Variants in SYT10 observed in about 807,000 individuals in gnomAD.
The protein encoded by SYT10 is synaptotagmin-10.
In SYT10, 31 loss-of-function variants were observed where a neutral mutation model predicts 51.1. That is an observed-to-expected ratio of 0.61 (90% CI 0.46 to 0.82). The LOEUF is 0.82. SYT10 is among the 40% of genes least tolerant of loss of function. The pLI is 0.00. For missense variants in SYT10, 603 were observed against 634.0 expected (o/e 0.95, Z 0.53); for synonymous variants, 233 against 225.9 (o/e 1.03, Z -0.28).
At chr12:33,405,891 T>C (rs1866348847) in intron 3 of SYT10, 1 of 149,770 alleles carries the variant, frequency 6.7e-6, no homozygotes, top group African/African-American at 2.5e-5. Flanking sequence ...AAAAAGAACA[T>C]AATTTTTCAT....
intron 2 of SYT10, among the ~76,000 whole-genome samples, chr12:33,424,347 G>A (rs957701185): frequency 1.4e-4 from 22 of 152,196 alleles, no homozygotes; most frequent in African/African-American, 5.3e-4. Flanking sequence ...TTGATTACCT[G>A]AATTTGTCTT....
chr12:33,410,390 T>C (rs917486755), intron 2 of SYT10, among the ~76,000 whole-genome samples: 4 of 152,232 alleles, frequency 2.6e-5, no homozygotes, highest in East Asian at 1.9e-4. Flanking sequence ...TAGGGCTGTA[T>C]TGAAACTAAT....
chr12:33,377,578 C>G (rs145254857), intron 6 of SYT10, among the ~76,000 whole-genome samples: 1,827 of 151,486 alleles, frequency 0.012, 20 homozygotes, highest in Non-Finnish European at 0.019. Flanking sequence ...TTAATTACAA[C>G]AAAACAAATG....
At chr12:33,430,213 T>C (rs10844604) in intron 1 of SYT10, among the ~76,000 whole-genome samples, 18,176 of 152,230 alleles carry the variant, frequency 0.12, 1,194 homozygotes, top group Admixed American at 0.17. Context: ...TCTGACTATA[T>C]ATCTCTAACT....
intron 3 of SYT10, 133 bp from the exon 4 acceptor site, chr12:33,385,424 A>G: frequency 1.5e-6 from 2 of 1,303,114 alleles, no homozygotes; most frequent in Non-Finnish European, 2.0e-6. Flanking sequence ...ATTGCAAGAA[A>G]GCTATTCTGA....
At chr12:33,391,659 C>T (rs1401711871) in intron 3 of SYT10, among the ~76,000 whole-genome samples, 1 of 152,080 alleles carries the variant, frequency 6.6e-6, no homozygotes, top group East Asian at 1.9e-4. Flanking sequence ...GGAGGGGTTG[C>T]AGTTATATTT....
intron 1 of SYT10, among the ~76,000 whole-genome samples, chr12:33,434,084 C>T (rs1383701631): frequency 6.6e-6 from 1 of 152,204 alleles, no homozygotes; most frequent in Non-Finnish European, 1.5e-5. Context: ...CTACTTAGCA[C>T]ACTAACATGC....
At chr12:33,379,767 A>T in intron 6 of SYT10, 65 bp downstream of exon 6, 1 of 1,584,542 alleles carries the variant, frequency 6.3e-7, no homozygotes, top group Non-Finnish European at 8.6e-7. Flanking sequence ...AAAGGTTAGC[A>T]AATAAATAAT....
At chr12:33,398,773 A>G (rs185661521) in intron 3 of SYT10, among the ~76,000 whole-genome samples, 1 of 152,344 alleles carries the variant, frequency 6.6e-6, no homozygotes, top group African/African-American at 2.4e-5. Flanking sequence ...AACATTTACA[A>G]ATATCTGACT....
At chr12:33,385,922 C>T (rs1412402957) in intron 3 of SYT10, among the ~76,000 whole-genome samples, 2 of 152,212 alleles carry the variant, frequency 1.3e-5, no homozygotes, top group Non-Finnish European at 2.9e-5. Flanking sequence ...AAAATCCAAA[C>T]TCCTTACCCT....
intron 2 of SYT10, among the ~76,000 whole-genome samples, chr12:33,416,956 TATATGG>T (rs1866459573): frequency 6.6e-6 from 1 of 152,082 alleles, no homozygotes; most frequent in Non-Finnish European, 1.5e-5. Context: ...GGAAGGCAAG[TATATGG>T]GATAGATCCT....
chr12:33,394,097 GT>G (rs2138399229), intron 3 of SYT10, among the ~76,000 whole-genome samples: 1 of 152,166 alleles, frequency 6.6e-6, no homozygotes, highest in East Asian at 1.9e-4. Context: ...ATAACAGTGT[GT>G]TTGGGCACAA....
At chr12:33,438,329 C>A (rs113518105) in intron 1 of SYT10, among the ~76,000 whole-genome samples, 123 of 152,286 alleles carry the variant, frequency 8.1e-4, no homozygotes, top group African/African-American at 2.8e-3. Flanking sequence ...ACCTTCCAGT[C>A]GAAAATCCCC....
At chr12:33,425,331 A>T (rs989517986) in intron 2 of SYT10, among the ~76,000 whole-genome samples, 1 of 152,164 alleles carries the variant, frequency 6.6e-6, no homozygotes, top group Non-Finnish European at 1.5e-5. Flanking sequence ...AATTGCTAAC[A>T]TGCCATTTGT....
intron 5 of SYT10, among the ~76,000 whole-genome samples, chr12:33,380,923 A>G (rs1055098419): frequency 5.3e-5 from 8 of 152,192 alleles, no homozygotes; most frequent in South Asian, 2.1e-4. Flanking sequence ...TTTTTCCATC[A>G]TTGATGTAGA....
intron 3 of SYT10, among the ~76,000 whole-genome samples, chr12:33,387,538 CT>C (rs1866167135): frequency 6.6e-6 from 1 of 152,088 alleles, no homozygotes. Context: ...AAATGAAAAG[CT>C]TAATAATGGA....
chr12:33,410,593 C>G (rs979121942), intron 2 of SYT10, among the ~76,000 whole-genome samples: 1 of 152,098 alleles, frequency 6.6e-6, no homozygotes, highest in African/African-American at 2.4e-5. Context: ...GGAAGGGTGT[C>G]ACAGGTGAAA....
At chr12:33,402,465 G>A (rs1471405067) in intron 3 of SYT10, among the ~76,000 whole-genome samples, 1 of 152,078 alleles carries the variant, frequency 6.6e-6, no homozygotes, top group East Asian at 1.9e-4. Context: ...TGTGTGTGTA[G>A]ACAAGACCAC....
At chr12:33,403,007 C>A (rs984217746) in intron 3 of SYT10, among the ~76,000 whole-genome samples, 1 of 151,972 alleles carries the variant, frequency 6.6e-6, no homozygotes, top group African/African-American at 2.4e-5. Context: ...ATTAAAGATA[C>A]ACCAGCTAGT....
Sources: allele counts gnomAD v4.1 joint callset (sites outside exome capture counted in the v4.1 genomes callset), GRCh38; gene constraint gnomAD v4.1.1; transcripts MANE v1.5; gene names NCBI Gene and HGNC (gene_info 2026-07-23, HGNC 2026-07-21).